Variants in GOLIM4 observed in about 807,000 individuals in gnomAD.
The protein encoded by GOLIM4 is 130 kDa golgi-localized phosphoprotein.
In GOLIM4, 71 loss-of-function variants were observed where a neutral mutation model predicts 107.4. The observed-to-expected ratio is 0.66, with a 90% CI of 0.55 to 0.81. The LOEUF (loss-of-function observed/expected upper bound fraction) is 0.81, where lower values mean the gene tolerates loss of function less well. Ranked by LOEUF, GOLIM4 falls within the 30% of genes least tolerant of loss-of-function variation. The pLI is 0.00. For missense variants in GOLIM4, 830 were observed against 826.1 expected (o/e 1.00, Z -0.06); for synonymous variants, 327 against 294.8 (o/e 1.11, Z -1.12).
intron 10 of GOLIM4, 138 bp downstream of exon 10, chr3:168,029,642 G>T: frequency 1.2e-6 from 1 of 836,446 alleles, no homozygotes; most frequent in Non-Finnish European, 1.8e-6. Flanking sequence ...TAATTTTCAA[G>T]TAGCTGTCCT....
intron 1 of GOLIM4, among the ~76,000 whole-genome samples, chr3:168,055,073 G>A (rs928842028): frequency 6.6e-6 from 1 of 152,136 alleles, no homozygotes; most frequent in African/African-American, 2.4e-5. Context: ...TGCCCAGTCT[G>A]GAGTATGTTT....
intron 1 of GOLIM4, among the ~76,000 whole-genome samples, chr3:168,049,667 G>T (rs1719504908): frequency 6.6e-6 from 1 of 152,092 alleles, no homozygotes. Context: ...AACACTACTG[G>T]CTGCTGCCAA....
chr3:168,027,849 A>C lies in GOLIM4; in HGVS notation c.1514-12T>G. The C allele has an allele frequency of 6.5e-7, 1 of 1,536,736 alleles. No homozygotes were observed. The highest frequency in any genetic ancestry group is 1.4e-5 in the African/African-American group (1 of 73,360). ...GTCTCTTTCATAGGCTAGCAAATCA[A>C]AGGAACTAAAATCAGCCCAAAATGA... On this transcript the variant is annotated splice_polypyrimidine_tract_variant and intron_variant, in intron 11 of 15. Transcript: ENST00000470487.
intron 1 of GOLIM4, among the ~76,000 whole-genome samples, chr3:168,075,260 C>T (rs181454017): frequency 6.7e-6 from 1 of 148,696 alleles, no homozygotes; most frequent in Non-Finnish European, 1.5e-5. Context: ...AAAACAAATA[C>T]ACTGGTAATT....
chr3:168,022,333 TAAAA>T (rs72025617), intron 14 of GOLIM4, among the ~76,000 whole-genome samples: 1 of 143,464 alleles, frequency 7.0e-6, no homozygotes, highest in Non-Finnish European at 1.5e-5. Context: ...AAATGGAGAT[TAAAA>T]AAAAAAAAAC....
intron 1 of GOLIM4, among the ~76,000 whole-genome samples, chr3:168,064,302 C>A (rs930340828): frequency 6.6e-6 from 1 of 152,174 alleles, no homozygotes; most frequent in Non-Finnish European, 1.5e-5. Flanking sequence ...ATTGTCATCT[C>A]GAGTCTGGTA....
chr3:168,034,221 C>G lies in GOLIM4; in HGVS notation c.844-1369G>C, dbSNP rs567303081. 1.6e-4 allele frequency among the ~76,000 whole-genome samples: 24 copies of G among 152,268 alleles called. No individual in the cohort carries two copies. The East Asian group carries it at 1.9e-3, about 12-fold the overall frequency. On this transcript the variant is annotated intron_variant, in intron 8 of 15. Transcript: ENST00000470487. Reference sequence around the variant, plus strand: ...CCTGGCTTTACAGAAAAATATTTCTCTAAAGAGCTCTAAGTACTTTCAAAC... The same window carrying G: ...CCTGGCTTTACAGAAAAATATTTCTGTAAAGAGCTCTAAGTACTTTCAAAC...
At chr3:168,072,488 T>C (rs1378368164) in intron 1 of GOLIM4, among the ~76,000 whole-genome samples, 2 of 151,774 alleles carry the variant, frequency 1.3e-5, no homozygotes, top group Non-Finnish European at 1.5e-5. Context: ...CTACAGTATA[T>C]TGAACAGAGG....
At chr3:168,018,451 A>G (rs1354232755) in intron 14 of GOLIM4, among the ~76,000 whole-genome samples, 5 of 152,156 alleles carry the variant, frequency 3.3e-5, no homozygotes. Context: ...AACCAGTCCA[A>G]CGCCAGTTTG....
At chr3:168,043,786 G>A (rs890705407) in intron 4 of GOLIM4, among the ~76,000 whole-genome samples, 5 of 152,168 alleles carry the variant, frequency 3.3e-5, no homozygotes, top group African/African-American at 1.2e-4. Flanking sequence ...GAGATGGAAA[G>A]GGAAAAAATG....
At chr3:168,050,232 T>C (rs1003141892) in intron 1 of GOLIM4, among the ~76,000 whole-genome samples, 5 of 151,442 alleles carry the variant, frequency 3.3e-5, no homozygotes, top group Admixed American at 1.3e-4. Flanking sequence ...ATAGTTGTGT[T>C]CCAAAAAGTT....
In GOLIM4 at chr3:168,032,641, C is replaced by G. The variant is rs1718397650; in HGVS notation, c.1055G>C (p.Gly352Ala). 6.2e-7 allele frequency: 1 copy of G among 1,613,830 alleles called. No individual in the cohort carries two copies. The highest frequency in any genetic ancestry group is 8.5e-7 in the Non-Finnish European group (1 of 1,179,992). Residue 352 changes from glycine to alanine, a missense_variant, in exon 9 of 16, where the codon GGG becomes GCG. Physicochemically the swap from Gly to Ala is moderately conservative, Grantham distance 60. Transcript: ENST00000470487. ...ALEEEEMEQV[G>A]QAEHLEEEHD... ...TTCCTCCTCAAGATGTTCTGCTTGCCCGACCTGCTCCATTTCTTCCTCCTC... is the reference window on the plus strand; with the variant it reads ...TTCCTCCTCAAGATGTTCTGCTTGCGCGACCTGCTCCATTTCTTCCTCCTC...
chr3:168,033,884 C>A (rs978030160), intron 8 of GOLIM4, among the ~76,000 whole-genome samples: 1 of 152,032 alleles, frequency 6.6e-6, no homozygotes, highest in Non-Finnish European at 1.5e-5. Flanking sequence ...TTTCAGCGAT[C>A]TCTATATGAT....
chr3:168,019,748 G>C (rs1444806047), intron 14 of GOLIM4, among the ~76,000 whole-genome samples: 3 of 152,136 alleles, frequency 2.0e-5, no homozygotes, highest in Non-Finnish European at 4.4e-5. Context: ...CAGAGGTGAT[G>C]GTGTATATTT....
chr3:168,051,620 A>C (rs763820624), intron 1 of GOLIM4, among the ~76,000 whole-genome samples: 3 of 152,208 alleles, frequency 2.0e-5, no homozygotes, highest in Non-Finnish European at 2.9e-5. Context: ...ACAGGAGAAA[A>C]AAGATGTGGC....
At chr3:168,087,776 A>T (rs1721700044) in intron 1 of GOLIM4, among the ~76,000 whole-genome samples, 1 of 152,208 alleles carries the variant, frequency 6.6e-6, no homozygotes, top group Admixed American at 6.5e-5. Context: ...CAAGTTAATT[A>T]ACCTCTCTAA....
At chr3:168,092,089 T>A (rs191391007) in intron 1 of GOLIM4, among the ~76,000 whole-genome samples, 10 of 152,210 alleles carry the variant, frequency 6.6e-5, no homozygotes, top group Non-Finnish European at 1.3e-4. Flanking sequence ...CAGGTGATAC[T>A]AATGGGCAGT....
chr3:168,049,637 A>G lies in GOLIM4; in HGVS notation c.188-1272T>C, dbSNP rs577791169. ...AGCATCAATCACTGGTTGACCATAT[A>G]CAATTCACAGAACAGCCCCAACACT... is the stretch of plus-strand genomic sequence containing the variant. On this transcript the variant is annotated intron_variant, in intron 1 of 15. Transcript: ENST00000470487. Among the ~76,000 whole-genome samples, 6 of 152,288 alleles carry G rather than the reference A, an allele frequency of 3.9e-5. No individual in the cohort carries two copies. In the East Asian group the frequency reaches 1.2e-3, roughly 30 times the overall value.
intron 3 of GOLIM4, among the ~76,000 whole-genome samples, chr3:168,045,254 A>T (rs529678754): frequency 6.6e-6 from 1 of 152,258 alleles, no homozygotes; most frequent in South Asian, 2.1e-4. Flanking sequence ...GCTTGAGGTA[A>T]GAGGGAAGAA....
Sources: allele counts gnomAD v4.1 joint callset (sites outside exome capture counted in the v4.1 genomes callset), GRCh38; gene constraint gnomAD v4.1.1; transcripts MANE v1.5; gene names NCBI Gene and HGNC (gene_info 2026-07-23, HGNC 2026-07-21).